ZDHHC15: variants seen among roughly 807,000 people sequenced by gnomAD.
The protein encoded by ZDHHC15 is zDHHC palmitoyltransferase 15.
ZDHHC15 carries 19 observed loss-of-function variants against 31.7 expected under a neutral mutation model. The ratio of observed to expected loss-of-function variants is 0.60; its 90% CI spans 0.42 to 0.88. The LOEUF is 0.88. ZDHHC15 is among the 40% of genes least tolerant of loss of function. The pLI is 0.00. For missense variants in ZDHHC15, 209 were observed against 251.2 expected (o/e 0.83, Z 1.14); for synonymous variants, 103 against 90.0 (o/e 1.14, Z -0.82).
intron 2 of ZDHHC15, among the ~76,000 whole-genome samples, chrX:75,487,519 G>A (rs1479676775): frequency 1.8e-5 from 2 of 112,078 alleles, no homozygotes; most frequent in Non-Finnish European, 3.8e-5. Context: ...TGGGACCAAA[G>A]AATCTGAAGA....
intron 10 of ZDHHC15, among the ~76,000 whole-genome samples, chrX:75,398,673 C>A (rs1275665674): frequency 9.0e-6 from 1 of 111,677 alleles, no homozygotes; most frequent in African/African-American, 3.3e-5. Flanking sequence ...CTGGGGCCTC[C>A]AGCTATCCCC....
intron 10 of ZDHHC15, among the ~76,000 whole-genome samples, chrX:75,389,580 G>A (rs2083218538): frequency 9.1e-6 from 1 of 110,178 alleles, no homozygotes; most frequent in Non-Finnish European, 1.9e-5. Context: ...CCTAGCTCAT[G>A]GGTGACATTA....
intron 3 of ZDHHC15, among the ~76,000 whole-genome samples, chrX:75,473,030 C>A (rs754820825): frequency 8.9e-6 from 1 of 112,038 alleles, no homozygotes; most frequent in African/African-American, 3.2e-5. Context: ...TCTGTCAATA[C>A]AATACATGGA....
intron 10 of ZDHHC15, among the ~76,000 whole-genome samples, chrX:75,395,750 A>G (rs2083293247): frequency 8.9e-6 from 1 of 111,808 alleles, no homozygotes; most frequent in Non-Finnish European, 1.9e-5. Flanking sequence ...CCTGAGCAAA[A>G]TAAACAAAAC....
intron 3 of ZDHHC15, among the ~76,000 whole-genome samples, chrX:75,476,870 T>C (rs978964391): frequency 9.1e-6 from 1 of 110,397 alleles, no homozygotes; most frequent in Non-Finnish European, 1.9e-5. Flanking sequence ...TATTTTCTAT[T>C]CCTCATTTTG....
intron 2 of ZDHHC15, among the ~76,000 whole-genome samples, chrX:75,481,612 A>C (rs747091802): frequency 8.9e-6 from 1 of 112,270 alleles, no homozygotes; most frequent in African/African-American, 3.2e-5. Flanking sequence ...AACTATACCA[A>C]TATTTTAGAG....
intron 3 of ZDHHC15, among the ~76,000 whole-genome samples, chrX:75,471,877 C>A (rs1370123139): frequency 9.0e-6 from 1 of 111,523 alleles, no homozygotes; most frequent in South Asian, 3.8e-4. Flanking sequence ...TGGAGCAAGG[C>A]CCTGCCATCT....
At chrX:75,481,320 C>T (rs1452885885) in intron 2 of ZDHHC15, among the ~76,000 whole-genome samples, 1 of 111,487 alleles carries the variant, frequency 9.0e-6, no homozygotes, top group African/African-American at 3.3e-5. Flanking sequence ...TTTGGATCAC[C>T]TGAGTGACTG....
chrX:75,401,950 C>A (rs1413308269), intron 10 of ZDHHC15, among the ~76,000 whole-genome samples: 1 of 112,334 alleles, frequency 8.9e-6, no homozygotes, highest in Non-Finnish European at 1.9e-5. Flanking sequence ...CTTCTCATTG[C>A]CACATGGCAC....
intron 10 of ZDHHC15, among the ~76,000 whole-genome samples, chrX:75,396,978 A>C (rs2083305229): frequency 9.0e-6 from 1 of 111,055 alleles, no homozygotes; most frequent in African/African-American, 3.3e-5. Flanking sequence ...TAATGATGGT[A>C]ACCAGAGGCT....
Position 75,510,114 on chromosome X carries a change from C to T in ZDHHC15, c.137-4267G>A, listed in dbSNP as rs183170048. On this transcript the variant is annotated intron_variant, in intron 1 of 11. Transcript: ENST00000373367. The stretch of plus-strand genomic sequence containing the variant: ...TACTTCTTTGAAAAAGTTACTCACA[C>T]CAGCCATTCATTTACTTTTAAGGCA... 2.7e-5 allele frequency among the ~76,000 whole-genome samples: 3 copies of T among 111,652 alleles called. No homozygotes were observed. In the Admixed American group the frequency reaches 2.9e-4, roughly 11 times the overall value.
intron 3 of ZDHHC15, among the ~76,000 whole-genome samples, chrX:75,472,390 C>T (rs1287814077): frequency 8.9e-6 from 1 of 111,986 alleles, no homozygotes; most frequent in Non-Finnish European, 1.9e-5. Context: ...ACTTTGAGCA[C>T]CACACCTGGT....
At chrX:75,437,839 C>G (rs1030053612) in intron 4 of ZDHHC15, among the ~76,000 whole-genome samples, 1 of 110,882 alleles carries the variant, frequency 9.0e-6, no homozygotes, top group Non-Finnish European at 1.9e-5. Flanking sequence ...ATTTCTAGTT[C>G]TAGATCTCTG....
chrX:75,496,226 A>C (rs1191566337), intron 2 of ZDHHC15, among the ~76,000 whole-genome samples: 2 of 111,539 alleles, frequency 1.8e-5, no homozygotes, highest in Non-Finnish European at 3.8e-5. Context: ...GACAAAACAG[A>C]CTTTAAAGGA....
intron 3 of ZDHHC15, among the ~76,000 whole-genome samples, chrX:75,461,747 A>C (rs2084318918): frequency 8.9e-6 from 1 of 112,134 alleles, no homozygotes; most frequent in African/African-American, 3.2e-5. Context: ...ATTAATTGCC[A>C]CCAGGCCTGC....
intron 3 of ZDHHC15, among the ~76,000 whole-genome samples, chrX:75,472,654 G>A (rs188706579): frequency 2.7e-5 from 3 of 112,088 alleles, no homozygotes; most frequent in Middle Eastern, 4.6e-3. Context: ...TAATCAAGTG[G>A]ATAGGACGAC....
intron 2 of ZDHHC15, among the ~76,000 whole-genome samples, chrX:75,494,019 T>G (rs1365599193): frequency 9.0e-6 from 1 of 111,577 alleles, no homozygotes; most frequent in African/African-American, 3.3e-5. Context: ...GACAGGATTG[T>G]ATATCTAGAA....
chrX:75,382,863 T>C (rs2083130830), intron 10 of ZDHHC15, among the ~76,000 whole-genome samples: 1 of 111,837 alleles, frequency 8.9e-6, no homozygotes, highest in African/African-American at 3.3e-5. Flanking sequence ...TAATTGAAGA[T>C]AGCTTAAAGA....
intron 3 of ZDHHC15, among the ~76,000 whole-genome samples, chrX:75,459,979 G>A (rs1355862333): frequency 1.8e-5 from 2 of 111,825 alleles, no homozygotes; most frequent in African/African-American, 3.3e-5. Context: ...AGGTTCAAGC[G>A]ATTTTCCTGC....
Sources: gnomAD v4.1 joint callset for allele counts (sites outside exome capture counted in the v4.1 genomes callset) on GRCh38, gnomAD v4.1.1 for gene constraint, MANE v1.5 for transcripts, NCBI Gene and HGNC (gene_info 2026-07-23, HGNC 2026-07-21) for gene names.